The following CFAP54 variants were observed in gnomAD, a reference collection of about 807,000 sequenced individuals.
The protein encoded by CFAP54 is cilia and flagella associated protein 54, also known as cilia- and flagella-associated protein 54.
CFAP54 carries 290 observed loss-of-function variants against 370.4 expected under a neutral mutation model. The observed-to-expected ratio is 0.78, with a 90% CI of 0.71 to 0.86. The LOEUF is 0.86. CFAP54 is among the 40% of genes least tolerant of loss of function. The pLI is 0.00. For missense variants in CFAP54, 3,399 were observed against 3,528.7 expected, an observed-to-expected ratio of 0.96 and a Z score of 0.93; for synonymous variants, 1,206 against 1,236.5, an observed-to-expected ratio of 0.98 and a Z score of 0.52.
At chr12:96,755,888 G>A (rs1302384105) in intron 56 of CFAP54, among the ~76,000 whole-genome samples, 1 of 151,866 alleles carries the variant, frequency 6.6e-6, no homozygotes, top group Non-Finnish European at 1.5e-5. Flanking sequence ...GGCTGGTCTC[G>A]AACTCCTGAC....
intron 14 of CFAP54, among the ~76,000 whole-genome samples, chr12:96,541,636 A>G (rs931994099): frequency 4.6e-5 from 7 of 151,914 alleles, no homozygotes; most frequent in Non-Finnish European, 7.4e-5. Flanking sequence ...TCCATTTCCC[A>G]TAAGAGTGAA....
intron 1 of CFAP54, among the ~76,000 whole-genome samples, chr12:96,499,962 C>CAAAACAA (rs1955006902): frequency 6.6e-6 from 1 of 151,138 alleles, no homozygotes; most frequent in Non-Finnish European, 1.5e-5. Flanking sequence ...CAAAACAAAA[C>CAAAACAA]AAAACAAAAC....
chr12:96,704,602 ACTTAT>A (rs199775665), intron 46 of CFAP54, 136 bp from the exon 47 acceptor site: 3,230 of 275,378 alleles, frequency 0.012, 119 homozygotes, highest in African/African-American at 0.067. Context: ...TTTATACAAT[ACTTAT>A]CTTTTCTGAC....
intron 14 of CFAP54, among the ~76,000 whole-genome samples, 198 bp from the exon 15 acceptor site, chr12:96,547,704 T>C (rs1043649991): frequency 6.6e-6 from 1 of 152,152 alleles, no homozygotes; most frequent in South Asian, 2.1e-4. Context: ...TAGCATAAAG[T>C]TTTTTATGAT....
chr12:96,530,665 A>G (rs1372878540), intron 9 of CFAP54, among the ~76,000 whole-genome samples: 1 of 152,206 alleles, frequency 6.6e-6, no homozygotes, highest in Non-Finnish European at 1.5e-5. Flanking sequence ...TGTGAAGGTA[A>G]GTTTTCATTT....
intron 26 of CFAP54, among the ~76,000 whole-genome samples, chr12:96,604,463 T>C (rs1364224617): frequency 2.0e-5 from 3 of 152,212 alleles, no homozygotes; most frequent in South Asian, 2.1e-4. Flanking sequence ...TCAATCGCCA[T>C]GCTGGGAGAA....
intron 63 of CFAP54, among the ~76,000 whole-genome samples, chr12:96,793,744 C>T (rs1958729053): frequency 1.3e-5 from 2 of 152,070 alleles, no homozygotes; most frequent in South Asian, 2.1e-4. Context: ...TGATTATGGC[C>T]ATTCTTGCAG....
intron 60 of CFAP54, among the ~76,000 whole-genome samples, chr12:96,773,775 T>C (rs1011581704): frequency 6.6e-6 from 1 of 152,242 alleles, no homozygotes; most frequent in Admixed American, 6.5e-5. Context: ...TAGCTATTTA[T>C]GTTGTTTCTA....
rs201366019 is a variant in CFAP54 at position 96,638,259 on chromosome 12, AT to A, written c.4317-5910del. On this transcript the variant is annotated intron_variant, in intron 32 of 67. Coordinates refer to ENST00000524981, the MANE Select transcript of CFAP54 (RefSeq NM_001306084.2). ...TGTGTGTGTATATATATATATATTTATTTTTTTTTGGTTATCCAGGCTGGAG... is the reference window on the plus strand; with the variant it reads ...TGTGTGTGTATATATATATATATTTATTTTTTTTGGTTATCCAGGCTGGAG... 4.1e-3 allele frequency among the ~76,000 whole-genome samples: 471 copies of A among 115,700 alleles called. 3 individuals carry two copies. The highest frequency in any genetic ancestry group is 7.2e-3 in the Non-Finnish European group (382 of 52,706). 75.9% of individuals were successfully genotyped at this position (115,700 alleles called of 152,430 possible).
At chr12:96,495,238 C>CTCCT (rs58756915) in intron 1 of CFAP54, among the ~76,000 whole-genome samples, 4,927 of 132,994 alleles carry the variant, frequency 0.037, 114 homozygotes, top group South Asian at 0.076. Flanking sequence ...CTTTTCTTTT[C>CTCCT]TCCTTCCTTC....
intron 63 of CFAP54, among the ~76,000 whole-genome samples, chr12:96,795,611 T>C (rs561630052): frequency 6.6e-6 from 1 of 151,862 alleles, no homozygotes; most frequent in African/African-American, 2.4e-5. Flanking sequence ...GGCCCAAAAG[T>C]CCAGTCTCAC....
chr12:96,563,153 T>C lies in CFAP54; in HGVS notation c.2411-1315T>C, dbSNP rs117368273. On this transcript the variant is annotated intron_variant, in intron 17 of 67. Coordinates refer to ENST00000524981, the MANE Select transcript of CFAP54 (RefSeq NM_001306084.2). The stretch of plus-strand genomic sequence containing the variant: ...TTCCTAATACCTCGTTCTCTAATTG[T>C]CATCCATAAATCTTTGAAGACCAAA... Among the ~76,000 whole-genome samples the C allele has an allele frequency of 3.3e-5, 5 of 152,348 alleles. No individual in the cohort carries two copies. In the East Asian group the frequency reaches 9.6e-4, roughly 29 times the overall value.
In CFAP54 at chr12:96,729,485, C is replaced by G. The variant is rs371202132; in HGVS notation, c.6965+8920C>G. On this transcript the variant is annotated intron_variant, in intron 50 of 67. Transcript: ENST00000524981. Reference sequence around the variant, plus strand: ...CCATGGGCGTGGGCGTAGGACCCTCCGAGCCAGGTGCGGGATATAATTCTC... The same window carrying G: ...CCATGGGCGTGGGCGTAGGACCCTCGGAGCCAGGTGCGGGATATAATTCTC... 5.3e-5 allele frequency among the ~76,000 whole-genome samples: 8 copies of G among 152,334 alleles called. 1 individual carries two copies. In the East Asian group the frequency reaches 5.8e-4, roughly 11 times the overall value.
intron 66 of CFAP54, among the ~76,000 whole-genome samples, chr12:96,833,145 A>T (rs1337748278): frequency 6.6e-6 from 1 of 152,238 alleles, no homozygotes; most frequent in Non-Finnish European, 1.5e-5. Flanking sequence ...CTTAGTGATT[A>T]ATCATGGAAT....
At position 96,720,476 on chromosome 12, in the gene CFAP54, T is replaced by C. The variant is rs1326018935; in HGVS notation, c.6876T>C (p.Ser2292=). ...CCGAGGTGGAACAGAAGACCCTGTCTCAGTGCTCCGCTGGCGAGCTGGAGA... is the reference window on the plus strand; with the variant it reads ...CCGAGGTGGAACAGAAGACCCTGTCCCAGTGCTCCGCTGGCGAGCTGGAGA... ...LLSEVEQKTL[S]QCSAGELEIV... Residue 2292 remains serine (S), a synonymous_variant, in exon 50 of 68, where the codon TCT becomes TCC. Transcript: ENST00000524981. 1 of 1,606,110 alleles carries C rather than the reference T, an allele frequency of 6.2e-7. No individual in the cohort carries two copies. The highest frequency in any genetic ancestry group is 8.5e-7 in the Non-Finnish European group (1 of 1,175,718).
At chr12:96,844,976 A>G (rs1006943460) in intron 66 of CFAP54, among the ~76,000 whole-genome samples, 1 of 152,234 alleles carries the variant, frequency 6.6e-6, no homozygotes, top group African/African-American at 2.4e-5. Flanking sequence ...TAGAGCTTCC[A>G]TACAGAACTT....
Position 96,644,395 on chromosome 12 carries a change from C to A in CFAP54, c.4534C>A (p.His1512Asn). 6.5e-7 allele frequency: 1 copy of A among 1,531,920 alleles called. No homozygotes were observed. 94.9% of individuals were successfully genotyped at this position (1,531,920 alleles called of 1,614,324 possible). ...TACGAAGATGAAATTTGGCACATCA[C>A]ATATGATGGTCAGGTATAGTATATT... The part of the protein sequence containing the change: ...ECTKMKFGTS[H>N]MMVSFRSCDP... Residue 1512 changes from histidine to asparagine, a missense_variant, in exon 33 of 68, where the codon CAT becomes AAT. His to Asn is a moderately conservative substitution (Grantham distance 68). This residue lies in a region of CFAP54 where 2,796 missense variants were observed against 2,869.7 expected (regional missense o/e 0.97). Coordinates refer to ENST00000524981, the MANE Select transcript of CFAP54 (RefSeq NM_001306084.2).
chr12:96,822,800 T>G (rs1202665808), intron 65 of CFAP54, among the ~76,000 whole-genome samples: 5 of 152,214 alleles, frequency 3.3e-5, no homozygotes, highest in Non-Finnish European at 4.4e-5. Flanking sequence ...GCTGTCTTGC[T>G]CTCATAGCTC....
chr12:96,515,818 T>G (rs1955224317), intron 5 of CFAP54, among the ~76,000 whole-genome samples: 1 of 152,006 alleles, frequency 6.6e-6, no homozygotes, highest in South Asian at 2.1e-4. Context: ...AATGAATGCC[T>G]ACCGTCATCA....
Sources: gnomAD v4.1 joint callset for allele counts (sites outside exome capture counted in the v4.1 genomes callset) on GRCh38, gnomAD v4.1.1 for gene constraint, gnomAD v4.1.1 regional missense constraint, MANE v1.5 for transcripts, NCBI Gene and HGNC (gene_info 2026-07-23, HGNC 2026-07-21) for gene names.